The following AHDC1 variants were observed in gnomAD, a reference collection of about 807,000 sequenced individuals.
The protein encoded by AHDC1 is transcription factor Gibbin.
A neutral mutation model predicts 87.9 loss-of-function variants in AHDC1; 7 were observed. The ratio of observed to expected loss-of-function variants is 0.08; its 90% CI spans 0.05 to 0.15. AHDC1 has a LOEUF of 0.15. Among genes scored for constraint, AHDC1 ranks in the 10% least tolerant of loss-of-function variants. AHDC1 has a pLI of 1.00. For missense variants in AHDC1, 1,841 were observed against 2,253.2 expected, an observed-to-expected ratio of 0.82 and a Z score of 3.70; for synonymous variants, 1,051 against 1,006.8, an observed-to-expected ratio of 1.04 and a Z score of -0.83.
At chr1:27,580,910 T>A (rs1415376452) in intron 3 of AHDC1, among the ~76,000 whole-genome samples, 3 of 151,978 alleles carry the variant, frequency 2.0e-5, no homozygotes, top group Non-Finnish European at 2.9e-5. Flanking sequence ...TCTCAGCTCA[T>A]TGCAACCTCC....
chr1:27,582,065 G>A (rs1460145260), intron 3 of AHDC1, among the ~76,000 whole-genome samples: 1 of 152,234 alleles, frequency 6.6e-6, no homozygotes, highest in African/African-American at 2.4e-5. Flanking sequence ...AGCAGAAGCT[G>A]GCCAGGCTTG....
chr1:27,577,377 A>C (rs2088785733), intron 3 of AHDC1, among the ~76,000 whole-genome samples: 1 of 152,162 alleles, frequency 6.6e-6, no homozygotes. Context: ...GGATTCTAGA[A>C]ATGGGCACCA....
chr1:27,571,950 C>T (rs745631552), intron 3 of AHDC1, among the ~76,000 whole-genome samples: 1 of 152,106 alleles, frequency 6.6e-6, no homozygotes, highest in Non-Finnish European at 1.5e-5. Flanking sequence ...GTGTGACACT[C>T]GAACCACTGC....
chr1:27,536,048 C>T (rs977824026), intron 8 of AHDC1, among the ~76,000 whole-genome samples: 8 of 152,046 alleles, frequency 5.3e-5, no homozygotes, highest in Non-Finnish European at 1.0e-4. Flanking sequence ...AATTAAAGGG[C>T]GAGGTGAGGA....
chr1:27,588,609 G>C (rs1191443033), intron 3 of AHDC1, among the ~76,000 whole-genome samples: 7 of 152,198 alleles, frequency 4.6e-5, no homozygotes, highest in African/African-American at 1.7e-4. Flanking sequence ...TCTTGGCAGA[G>C]AGAGTGTTTA....
intron 8 of AHDC1, among the ~76,000 whole-genome samples, chr1:27,542,176 T>C (rs973454661): frequency 6.6e-6 from 1 of 152,188 alleles, no homozygotes; most frequent in African/African-American, 2.4e-5. Context: ...TCATGACATA[T>C]TACAGTCACA....
rs1202733469 is a variant in AHDC1, at chr1:27,558,810, G to T, written c.-555C>A. 5.0e-6 allele frequency: 2 copies of T among 398,540 alleles called. No homozygotes were observed. Among genetic ancestry groups the T allele is most frequent in the East Asian group, 3.6e-5 (1 of 28,092 alleles). The allele number at this position is 398,540 out of a possible 1,614,324, so 24.7% of individuals were successfully genotyped here. On this transcript the variant is annotated 5_prime_UTR_variant, in exon 4 of 9. Coordinates refer to ENST00000673934, the MANE Select transcript of AHDC1 (RefSeq NM_001371928.1). The surrounding 1 kb of genome is among the most constrained non-coding windows in gnomAD (Gnocchi z 5.6). ...GGCCTGAGCGTCGCCCCGCACTCGG[G>T]GCCCTCTGCACACGCTCAACTGGGT...
intron 8 of AHDC1, among the ~76,000 whole-genome samples, chr1:27,536,719 TG>T (rs1329631099): frequency 3.9e-5 from 6 of 152,028 alleles, no homozygotes; most frequent in African/African-American, 1.4e-4. Flanking sequence ...GTTGGGGTGT[TG>T]GGGGTGACAA....
rs765012740 is a variant in AHDC1 at position 27,598,570 on chromosome 1, C to T, written c.-629+4827G>A. Among the ~76,000 whole-genome samples, 1 of 152,182 alleles carries T rather than the reference C, an allele frequency of 6.6e-6. No individual in the cohort carries two copies. Among genetic ancestry groups the T allele is most frequent in the Non-Finnish European group, 1.5e-5 (1 of 68,004 alleles). On this transcript the variant is annotated intron_variant, in intron 3 of 8. Transcript: ENST00000673934. The surrounding 1 kb of genome is among the most constrained non-coding windows in gnomAD (Gnocchi z 4.2). Reference sequence around the variant, plus strand: ...CTCCTTTCCAGGCAGTCCCTGGGGACCCCTCCTGCTCTGGTCCCAGTTCCA... The same window carrying T: ...CTCCTTTCCAGGCAGTCCCTGGGGATCCCTCCTGCTCTGGTCCCAGTTCCA...
Position 27,565,630 on chromosome 1 carries a change from C to T in AHDC1, c.-628-6747G>A, listed in dbSNP as rs2020285166. On this transcript the variant is annotated intron_variant, in intron 3 of 8. Transcript: ENST00000673934. The surrounding 1 kb of genome is among the most constrained non-coding windows in gnomAD (Gnocchi z 4.6). ...TGTTCCTCATAACTTTGAGTTTGTT[C>T]CAGGAACTCAAAGCACTTTAAAGAA... Among the ~76,000 whole-genome samples, 1 of 152,148 alleles carries T rather than the reference C, an allele frequency of 6.6e-6. No individual in the cohort carries two copies. Among genetic ancestry groups the T allele is most frequent in the Non-Finnish European group, 1.5e-5 (1 of 68,026 alleles).
chr1:27,576,430 C>T (rs2088751697), intron 3 of AHDC1, among the ~76,000 whole-genome samples: 1 of 152,202 alleles, frequency 6.6e-6, no homozygotes, highest in Non-Finnish European at 1.5e-5. Context: ...ACCCAATGGT[C>T]ACTGCTAACA....
rs541478273 is a variant in AHDC1, at chr1:27,598,886, G to A, written c.-629+4511C>T. ...CACCCTACCTTGCACTGGTGACAGC[G>A]CCCCCGTCACAAAGCCAGCAGCTTC... On this transcript the variant is annotated intron_variant, in intron 3 of 8. Transcript: ENST00000673934. This position sits in a 1 kb window ranked among gnomAD's most constrained non-coding sequence, Gnocchi z 4.2. 2.0e-5 allele frequency among the ~76,000 whole-genome samples: 3 copies of A among 152,180 alleles called. No homozygotes were observed. Among genetic ancestry groups the A allele is most frequent in the Admixed American group, 1.3e-4 (2 of 15,288 alleles).
At chr1:27,571,767 GCAGAAAA>G (rs1422433300) in intron 3 of AHDC1, among the ~76,000 whole-genome samples, 1 of 152,106 alleles carries the variant, frequency 6.6e-6, no homozygotes, top group East Asian at 1.9e-4. Flanking sequence ...CCAGGCGCTG[GCAGAAAA>G]CAAACCCGCC....
intron 3 of AHDC1, among the ~76,000 whole-genome samples, chr1:27,564,060 G>T (rs2020215990): frequency 6.6e-6 from 1 of 152,176 alleles, no homozygotes; most frequent in Non-Finnish European, 1.5e-5. Flanking sequence ...TAGCTTCCAG[G>T]GGAGCCCTTC....
rs2020168896 is a variant in AHDC1, at chr1:27,563,113, ACACACACACACGCACG to A, written c.-628-4246_-628-4231del. On this transcript the variant is annotated intron_variant, in intron 3 of 8. Coordinates refer to ENST00000673934, the MANE Select transcript of AHDC1 (RefSeq NM_001371928.1). The surrounding 1 kb of genome is among the most constrained non-coding windows in gnomAD (Gnocchi z 6.1). ...AGAACCTGTTACACAGCTGACCAAGACACACACACACGCACGCACGCATGCATGCACACACCCACAC... is the reference window on the plus strand; with the variant it reads ...AGAACCTGTTACACAGCTGACCAAGACACGCATGCATGCACACACCCACAC... Among the ~76,000 whole-genome samples the A allele has an allele frequency of 6.6e-6, 1 of 151,876 alleles. No homozygotes were observed. The highest frequency in any genetic ancestry group is 2.1e-4 in the South Asian group (1 of 4,826).
rs377557826 is a variant in AHDC1, at chr1:27,551,242, C to T, written c.874G>A (p.Gly292Arg). 24 of 1,609,450 alleles carry T rather than the reference C, an allele frequency of 1.5e-5. No homozygotes were observed. The African/African-American group carries it at 1.7e-4, about 12-fold the overall frequency. ...FLDPQALEPL[G>R]EALELPPLQP... ...AGGGGTGGCAGCTCCAGAGCTTCCC[C>T]GAGCGGCTCTAGTGCCTGCGGGTCC... Residue 292 changes from glycine (G) to arginine (R), a missense_variant, in exon 8 of 9, where the codon GGG becomes AGG. Gly to Arg is a moderately radical substitution (Grantham distance 125). This residue lies in a region of AHDC1 where 370 missense variants were observed against 391.5 expected (regional missense o/e 0.95). Coordinates refer to ENST00000673934, the MANE Select transcript of AHDC1 (RefSeq NM_001371928.1).
intron 3 of AHDC1, among the ~76,000 whole-genome samples, chr1:27,572,275 T>G (rs2088555071): frequency 6.6e-6 from 1 of 152,122 alleles, no homozygotes; most frequent in African/African-American, 2.4e-5. Context: ...GTGAGGGGGC[T>G]TGAGGCTGCC....
intron 3 of AHDC1, among the ~76,000 whole-genome samples, chr1:27,570,940 G>A (rs557603986): frequency 2.0e-5 from 3 of 152,132 alleles, no homozygotes; most frequent in Admixed American, 1.3e-4. Flanking sequence ...GGTCAGGTCT[G>A]AGCTGACCAC....
At chr1:27,578,176 A>T (rs902761789) in intron 3 of AHDC1, among the ~76,000 whole-genome samples, 2 of 152,270 alleles carry the variant, frequency 1.3e-5, no homozygotes, top group Non-Finnish European at 2.9e-5. Flanking sequence ...CTGTAAGTAC[A>T]AAATATACAC....
Sources: gnomAD v4.1 joint callset for allele counts (sites outside exome capture counted in the v4.1 genomes callset) on GRCh38, gnomAD v4.1.1 for gene constraint, gnomAD v4.1.1 regional missense constraint, Gnocchi (gnomAD v3.1) non-coding constraint, MANE v1.5 for transcripts, NCBI Gene and HGNC (gene_info 2026-07-23, HGNC 2026-07-21) for gene names.